SMURF2: variants seen among roughly 807,000 people sequenced by gnomAD.
SMURF2 encodes E3 ubiquitin-protein ligase SMURF2.
Under a neutral mutation model 109.6 loss-of-function variants are expected in SMURF2, and 48 were observed. That is an observed-to-expected ratio of 0.44 (90% CI 0.35 to 0.56). The LOEUF (loss-of-function observed/expected upper bound fraction) is 0.56. Ranked by LOEUF, SMURF2 falls within the 20% of genes least tolerant of loss-of-function variation. SMURF2 has a pLI of 0.01. For missense variants in SMURF2, 575 were observed against 909.0 expected, an observed-to-expected ratio of 0.63 and a Z score of 4.72; for synonymous variants, 288 against 317.1, an observed-to-expected ratio of 0.91 and a Z score of 0.97.
intron 11 of SMURF2, among the ~76,000 whole-genome samples, chr17:64,562,281 G>C (rs1434221688): frequency 6.9e-5 from 5 of 72,664 alleles, no homozygotes; most frequent in Admixed American, 6.9e-4. Context: ...GACAGACTCC[G>C]TCTCAAAAAA....
chr17:64,641,323 A>G (rs1970490022), intron 1 of SMURF2, among the ~76,000 whole-genome samples: 3 of 152,202 alleles, frequency 2.0e-5, no homozygotes, highest in African/African-American at 7.2e-5. Flanking sequence ...TATTAGATTA[A>G]TATATCAAAG....
chr17:64,615,626 T>C (rs1295822050), intron 1 of SMURF2, among the ~76,000 whole-genome samples: 1 of 152,206 alleles, frequency 6.6e-6, no homozygotes, highest in Admixed American at 6.5e-5. Context: ...TTTTTATGTG[T>C]TTTAGTTATT....
In SMURF2 at chr17:64,612,509, C is replaced by CAAA. The variant is rs11308871; in HGVS notation, c.53-5872_53-5870dup. Among the ~76,000 whole-genome samples, 8 of 127,278 alleles carry CAAA rather than the reference C, an allele frequency of 6.3e-5. No homozygotes were observed. In the East Asian group the frequency reaches 1.8e-3, roughly 29 times the overall value. 83.5% of individuals were successfully genotyped at this position (127,278 alleles called of 152,430 possible). ...CAAAACCCCATCTCTACTAAAAATA[C>CAAA]AAAAAAAAAAAAAAATTAGCCAGGT... On this transcript the variant is annotated intron_variant, in intron 1 of 18. Transcript: ENST00000262435.
intron 8 of SMURF2, 134 bp from the exon 9 acceptor site, chr17:64,578,710 G>A: frequency 1.6e-6 from 1 of 606,940 alleles, no homozygotes; most frequent in Non-Finnish European, 2.8e-6. Flanking sequence ...TATCAAAAAA[G>A]GGCTTTACAA....
rs533471132 is a variant in SMURF2 at position 64,577,592 on chromosome 17, A to AT, written c.857+899_857+900insA. On this transcript the variant is annotated intron_variant, in intron 9 of 18. Transcript: ENST00000262435. ...AAATAAATAAATAAAACACTAAAAA[A>AT]AAAAAAAGAGAGAGAGAGAGAGAAA... 2.1e-3 allele frequency among the ~76,000 whole-genome samples: 313 copies of AT among 151,620 alleles called. 1 individual carries two copies. The highest frequency in any genetic ancestry group is 7.3e-3 in the African/African-American group (303 of 41,408).
chr17:64,596,585 CAAAAAAAA>C (rs201858792), intron 3 of SMURF2, among the ~76,000 whole-genome samples: 5 of 45,468 alleles, frequency 1.1e-4, no homozygotes, highest in East Asian at 7.9e-4. Context: ...GGAGAGTAAA[CAAAAAAAA>C]AAAAAAAAAA....
In SMURF2 at chr17:64,593,587, C is replaced by T. The variant is rs201709298; in HGVS notation, c.201-14G>A. 2.3e-5 allele frequency: 35 copies of T among 1,512,668 alleles called. No homozygotes were observed. Among genetic ancestry groups the T allele is most frequent in the Non-Finnish European group, 2.9e-5 (32 of 1,122,660 alleles). 93.7% of individuals were successfully genotyped at this position (1,512,668 alleles called of 1,614,324 possible). A position where few individuals can be genotyped will look rare whatever the true frequency, so the allele number is the denominator to read the frequency against. On this transcript the variant is annotated splice_polypyrimidine_tract_variant and intron_variant, in intron 3 of 18. Transcript: ENST00000262435. ...TTTCCAATATACCTAAAAAACAAAA[C>T]GGCTGCATGAGTAACTTGGTAGTTA...
intron 13 of SMURF2, among the ~76,000 whole-genome samples, chr17:64,557,027 C>A (rs1969130999): frequency 6.6e-6 from 1 of 152,048 alleles, no homozygotes; most frequent in South Asian, 2.1e-4. Context: ...GTATAGTATG[C>A]CCTTATATGG....
At position 64,546,009 on chromosome 17, in the gene SMURF2, G is replaced by T. The variant is rs929475959; in HGVS notation, c.2148-62C>A. Reference sequence around the variant, plus strand: ...CAAAATAAGTAAACTGGCCTAGCAAGTGTATACCAGTATAGCCACATCACT... The same window carrying T: ...CAAAATAAGTAAACTGGCCTAGCAATTGTATACCAGTATAGCCACATCACT... On this transcript the variant is annotated intron_variant, in intron 18 of 18. Coordinates refer to ENST00000262435, the MANE Select transcript of SMURF2 (RefSeq NM_022739.4). 2.9e-5 allele frequency: 31 copies of T among 1,065,990 alleles called. No homozygotes were observed. The Middle Eastern group carries it at 6.4e-4, about 22-fold the overall frequency. The allele number at this position is 1,065,990 out of a possible 1,614,324, so 66.0% of individuals were successfully genotyped here. A position where few individuals can be genotyped will look rare whatever the true frequency, so the allele number is the denominator to read the frequency against.
chr17:64,612,997 C>T (rs1358216933), intron 1 of SMURF2, among the ~76,000 whole-genome samples: 1 of 152,162 alleles, frequency 6.6e-6, no homozygotes, highest in Non-Finnish European at 1.5e-5. Context: ...CAGTTCCAGC[C>T]AGCTTTACTA....
chr17:64,636,550 C>T (rs915353102), intron 1 of SMURF2, among the ~76,000 whole-genome samples: 3 of 139,162 alleles, frequency 2.2e-5, no homozygotes, highest in East Asian at 2.1e-4. Flanking sequence ...TTGAGTGAGA[C>T]GAGATTGCAT....
At position 64,661,777 on chromosome 17, in the gene SMURF2, G is replaced by A. The variant is rs1016122816; in HGVS notation, c.52+52C>T. On this transcript the variant is annotated intron_variant, in intron 1 of 18. Transcript: ENST00000262435. The stretch of plus-strand genomic sequence containing the variant: ...CTTCCCAAGGCCACAGGCACCCCCC[G>A]CCAGCTCGCCCACCCCGCGGCTGCC... 18 of 1,169,778 alleles carry A rather than the reference G, an allele frequency of 1.5e-5. No individual in the cohort carries two copies. In the African/African-American group the frequency reaches 2.2e-4, roughly 15 times the overall value. The allele number at this position is 1,169,778 out of a possible 1,614,324, so 72.5% of individuals were successfully genotyped here.
At chr17:64,654,136 A>C (rs1237054905) in intron 1 of SMURF2, among the ~76,000 whole-genome samples, 3 of 152,236 alleles carry the variant, frequency 2.0e-5, no homozygotes, top group Admixed American at 6.5e-5. Context: ...TTTGGGAAGA[A>C]ATGGGAAGAA....
chr17:64,592,674 G>T (rs1318672783), intron 4 of SMURF2, among the ~76,000 whole-genome samples: 1 of 151,998 alleles, frequency 6.6e-6, no homozygotes, highest in African/African-American at 2.4e-5. Context: ...ATATAAAAAA[G>T]AATTCTATAG....
intron 1 of SMURF2, among the ~76,000 whole-genome samples, chr17:64,625,444 G>A (rs566823898): frequency 3.0e-4 from 45 of 152,262 alleles, no homozygotes; most frequent in Admixed American, 7.2e-4. Flanking sequence ...AAAATGACAT[G>A]TGTTCAAAAA....
chr17:64,548,152 T>TA (rs782657490), intron 16 of SMURF2, among the ~76,000 whole-genome samples: 7 of 151,978 alleles, frequency 4.6e-5, no homozygotes, highest in Non-Finnish European at 5.9e-5. Flanking sequence ...TATAAAGCTT[T>TA]AAAAAAAATG....
At chr17:64,590,389 C>T (rs1319129115) in intron 5 of SMURF2, among the ~76,000 whole-genome samples, 3 of 151,836 alleles carry the variant, frequency 2.0e-5, no homozygotes, top group Admixed American at 6.6e-5. Flanking sequence ...GTGATCCACC[C>T]GCCTCAGCCT....
rs1598263248 is a variant in SMURF2, at chr17:64,543,273, T to C, written c.*2575A>G. On this transcript the variant is annotated 3_prime_UTR_variant, in exon 19 of 19. Coordinates refer to ENST00000262435, the MANE Select transcript of SMURF2 (RefSeq NM_022739.4). ...AGACTGTTATGGAGAGTAATTTCTT[T>C]TTTTTTTTTTTTTGGGCGGGGACGG... The C allele has an allele frequency of 1.3e-5, 2 of 150,150 alleles. No homozygotes were observed. The highest frequency in any genetic ancestry group is 1.3e-4 in the Admixed American group (2 of 15,016). 9.3% of individuals were successfully genotyped at this position (150,150 alleles called of 1,614,324 possible).
chr17:64,563,626 T>C (rs1451250964), intron 10 of SMURF2, among the ~76,000 whole-genome samples: 1 of 152,160 alleles, frequency 6.6e-6, no homozygotes, highest in Non-Finnish European at 1.5e-5. Context: ...CAAAATGGAC[T>C]GCAAACATCA....
Sources: gnomAD v4.1 joint callset for allele counts (sites outside exome capture counted in the v4.1 genomes callset) on GRCh38, gnomAD v4.1.1 for gene constraint, MANE v1.5 for transcripts, NCBI Gene and HGNC (gene_info 2026-07-23, HGNC 2026-07-21) for gene names.